The following NOL4 variants were observed in gnomAD, a reference collection of about 807,000 sequenced individuals.
NOL4 encodes cancer/testis antigen 125.
A neutral mutation model predicts 75.9 loss-of-function variants in NOL4; 17 were observed. That is an observed-to-expected ratio of 0.22 (90% CI 0.15 to 0.34). The LOEUF is 0.34. Ranked by LOEUF, NOL4 falls within the 10% of genes least tolerant of loss-of-function variation. NOL4 has a pLI of 1.00. For synonymous variants in NOL4, 292 were observed against 289.9 expected, an observed-to-expected ratio of 1.01 and a Z score of -0.07; for missense variants, 614 against 793.5, an observed-to-expected ratio of 0.77 and a Z score of 2.72.
At chr18:33,922,828 T>C (rs538630611) in intron 9 of NOL4, among the ~76,000 whole-genome samples, 1 of 152,284 alleles carries the variant, frequency 6.6e-6, no homozygotes, top group South Asian at 2.1e-4. Context: ...TTTAGAAAAT[T>C]TTCCTAATTT....
chr18:34,058,576 G>A (rs1262886895), intron 5 of NOL4, among the ~76,000 whole-genome samples: 1 of 152,166 alleles, frequency 6.6e-6, no homozygotes, highest in Non-Finnish European at 1.5e-5. Flanking sequence ...CCATCTGGGT[G>A]TAATGAGACT....
At chr18:33,945,736 G>T (rs1352201650) in intron 8 of NOL4, among the ~76,000 whole-genome samples, 1 of 151,722 alleles carries the variant, frequency 6.6e-6, no homozygotes, top group Non-Finnish European at 1.5e-5. Context: ...AATCAAAGAT[G>T]CATGATTCAA....
chr18:34,019,284 C>A lies in NOL4; in HGVS notation c.1056+34G>T, dbSNP rs140503356. On this transcript the variant is annotated intron_variant, in intron 6 of 10. Transcript: ENST00000261592. ...TATTTTTTGTGACCTTCATGACCAACTCAAAAATTCTGGAAATTGTAATGT... is the reference window on the plus strand; with the variant it reads ...TATTTTTTGTGACCTTCATGACCAAATCAAAAATTCTGGAAATTGTAATGT... 6 of 1,593,592 alleles carry A rather than the reference C, an allele frequency of 3.8e-6. No individual in the cohort carries two copies. The Admixed American group carries it at 1.0e-4, about 27-fold the overall frequency.
At chr18:34,207,774 A>G (rs922439446) in intron 1 of NOL4, among the ~76,000 whole-genome samples, 3 of 152,164 alleles carry the variant, frequency 2.0e-5, no homozygotes, top group Non-Finnish European at 2.9e-5. Context: ...TAGCCCTGAA[A>G]AAGAGAATCT....
At chr18:34,058,836 G>A (rs2076940981) in intron 5 of NOL4, among the ~76,000 whole-genome samples, 2 of 151,940 alleles carry the variant, frequency 1.3e-5, no homozygotes, top group Admixed American at 1.3e-4. Flanking sequence ...ACTAAAACAA[G>A]TTGTGTATTT....
chr18:34,143,093 G>A (rs954615702), intron 1 of NOL4, among the ~76,000 whole-genome samples: 1 of 151,906 alleles, frequency 6.6e-6, no homozygotes, highest in East Asian at 1.9e-4. Flanking sequence ...GGGAAGGGAA[G>A]GGAAGCGAAG....
chr18:34,109,375 C>T (rs956332236), intron 2 of NOL4, among the ~76,000 whole-genome samples: 1 of 151,774 alleles, frequency 6.6e-6, no homozygotes, highest in Non-Finnish European at 1.5e-5. Context: ...AAAAATTCGT[C>T]GGGCATGGTG....
intron 5 of NOL4, among the ~76,000 whole-genome samples, chr18:34,059,555 T>C (rs966612391): frequency 3.0e-4 from 46 of 152,298 alleles, no homozygotes; most frequent in African/African-American, 1.0e-3. Context: ...CTTGTGTATA[T>C]TGTAAACACT....
rs542882115 is a variant in NOL4 at position 34,064,290 on chromosome 18, A to G, written c.772+29175T>C. Among the ~76,000 whole-genome samples the G allele has an allele frequency of 2.0e-5, 3 of 152,142 alleles. No individual in the cohort carries two copies. In the East Asian group the frequency reaches 5.8e-4, roughly 29 times the overall value. On this transcript the variant is annotated intron_variant, in intron 5 of 10. Transcript: ENST00000261592. ...AATGAAGCAGGTCAAGGAATAAAGA[A>G]AAATGAAAGCTACAACAAAGGATTG... is the stretch of plus-strand genomic sequence containing the variant.
intron 8 of NOL4, among the ~76,000 whole-genome samples, chr18:33,945,634 T>C (rs1470875425): frequency 1.3e-5 from 2 of 151,758 alleles, no homozygotes; most frequent in Non-Finnish European, 3.0e-5. Flanking sequence ...ACTAGATATA[T>C]TTTAAGGTCA....
At chr18:34,167,518 G>A (rs2032521494) in intron 1 of NOL4, among the ~76,000 whole-genome samples, 1 of 110,172 alleles carries the variant, frequency 9.1e-6, no homozygotes, top group Non-Finnish European at 2.1e-5. Flanking sequence ...ATCTGAGACT[G>A]TTTCCTCAAA....
chr18:34,059,122 C>CATATACATATATAT (rs1555709239), intron 5 of NOL4, among the ~76,000 whole-genome samples: 1 of 118,214 alleles, frequency 8.5e-6, no homozygotes, highest in Non-Finnish European at 1.7e-5. Context: ...GATAGATATA[C>CATATACATATATAT]ATATATATAT....
intron 8 of NOL4, among the ~76,000 whole-genome samples, chr18:33,943,498 A>G (rs1568103258): frequency 6.6e-6 from 1 of 151,878 alleles, no homozygotes; most frequent in Non-Finnish European, 1.5e-5. Context: ...TGCAAATAAA[A>G]CAAGGTCTTT....
rs537015572 is a variant in NOL4, at chr18:34,117,851, C to T, written c.414+12020G>A. Reference sequence around the variant, plus strand: ...TGGTCTAAGATTTGAAGCTAATGTGCGAGCTGAAATAAAGCCATCACATAA... The same window carrying T: ...TGGTCTAAGATTTGAAGCTAATGTGTGAGCTGAAATAAAGCCATCACATAA... On this transcript the variant is annotated intron_variant, in intron 2 of 10. Coordinates refer to ENST00000261592, the MANE Select transcript of NOL4 (RefSeq NM_003787.5). Among the ~76,000 whole-genome samples the T allele has an allele frequency of 2.6e-5, 4 of 152,214 alleles. No homozygotes were observed. The East Asian group carries it at 5.8e-4, about 22-fold the overall frequency.
chr18:33,992,573 T>C (rs1439794476), intron 6 of NOL4, among the ~76,000 whole-genome samples: 1 of 151,962 alleles, frequency 6.6e-6, no homozygotes, highest in Non-Finnish European at 1.5e-5. Context: ...ACAACCCCCT[T>C]CCAGTTGAGA....
chr18:34,176,492 A>T (rs1327608940), intron 1 of NOL4, among the ~76,000 whole-genome samples: 2 of 152,124 alleles, frequency 1.3e-5, no homozygotes, highest in African/African-American at 4.8e-5. Flanking sequence ...AGAGGTCCAC[A>T]CACAGTGCTA....
chr18:34,155,619 T>C (rs528827243), intron 1 of NOL4, among the ~76,000 whole-genome samples: 2 of 152,134 alleles, frequency 1.3e-5, no homozygotes, highest in African/African-American at 2.4e-5. Flanking sequence ...CTGAATATTG[T>C]AGGTAATTTT....
At chr18:33,915,950 T>C (rs1212627283) in intron 9 of NOL4, among the ~76,000 whole-genome samples, 1 of 152,036 alleles carries the variant, frequency 6.6e-6, no homozygotes, top group Non-Finnish European at 1.5e-5. Flanking sequence ...TATTCCCAAA[T>C]TGCAAAGGAG....
intron 1 of NOL4, among the ~76,000 whole-genome samples, chr18:34,209,155 C>T (rs2036330475): frequency 6.9e-6 from 1 of 144,064 alleles, no homozygotes; most frequent in African/African-American, 2.6e-5. Context: ...GATCACACCA[C>T]TGCACTCCAG....
Sources: gnomAD v4.1 joint callset for allele counts (sites outside exome capture counted in the v4.1 genomes callset) on GRCh38, gnomAD v4.1.1 for gene constraint, MANE v1.5 for transcripts, NCBI Gene and HGNC (gene_info 2026-07-23, HGNC 2026-07-21) for gene names.